PWWP3A: variants seen among roughly 807,000 people sequenced by gnomAD.
The protein encoded by PWWP3A is PWWP domain containing 3A, DNA repair factor, also known as PWWP domain-containing DNA repair factor 3A.
PWWP3A carries 53 observed loss-of-function variants against 79.0 expected under a neutral mutation model. That is an observed-to-expected ratio of 0.67 (90% CI 0.54 to 0.84). The LOEUF (loss-of-function observed/expected upper bound fraction) is 0.84, where lower values mean the gene tolerates loss of function less well. Among genes scored for constraint, PWWP3A ranks in the 40% least tolerant of loss-of-function variants. The probability of loss-of-function intolerance (pLI) is 0.00; values close to 1 mark genes in which losing one functional copy is unlikely to be tolerated. For synonymous variants in PWWP3A, 443 were observed against 394.4 expected, an observed-to-expected ratio of 1.12 and a Z score of -1.46; for missense variants, 973 against 948.0, an observed-to-expected ratio of 1.03 and a Z score of -0.35.
rs1242216863 is a variant in PWWP3A, at chr19:1,378,379, T to C, written c.*1803T>C. On this transcript the variant is annotated 3_prime_UTR_variant, in exon 14 of 14. Coordinates refer to ENST00000591337, the MANE Select transcript of PWWP3A (RefSeq NM_001369789.1). ...TGAAGTACTTTTATCCATTTGCTTCTCTGCTGACCTTGCCAAGTTGTTCGA... is the reference window on the plus strand; with the variant it reads ...TGAAGTACTTTTATCCATTTGCTTCCCTGCTGACCTTGCCAAGTTGTTCGA... 6.6e-6 allele frequency: 1 copy of C among 152,326 alleles called. No homozygotes were observed. Among genetic ancestry groups the C allele is most frequent in the Non-Finnish European group, 1.5e-5 (1 of 68,094 alleles). The allele number at this position is 152,326 out of a possible 1,614,324, so 9.4% of individuals were successfully genotyped here. A position where few individuals can be genotyped will look rare whatever the true frequency, so the allele number is the denominator to read the frequency against.
Position 1,358,224 on chromosome 19 carries a change from C to T in PWWP3A, c.144-170C>T, listed in dbSNP as rs538618509. 1.1e-5 allele frequency: 6 copies of T among 527,998 alleles called. No homozygotes were observed. The South Asian group carries it at 1.3e-4, about 12-fold the overall frequency. The allele number at this position is 527,998 out of a possible 1,614,324, so 32.7% of individuals were successfully genotyped here. On this transcript the variant is annotated intron_variant, in intron 3 of 13. Coordinates refer to ENST00000591337, the MANE Select transcript of PWWP3A (RefSeq NM_001369789.1). ...AAAAAACCATTCACCAGGGTTCTTG[C>T]TGCCTGTAACCTCAGGCAGATGAAT... is the stretch of plus-strand genomic sequence containing the variant.
intron 6 of PWWP3A, chr19:1,364,162 C>T (rs763098653): frequency 2.4e-5 from 13 of 540,266 alleles, no homozygotes; most frequent in East Asian, 5.0e-5. Flanking sequence ...AGTGTCTTCC[C>T]GCGGGGTTTA....
intron 12 of PWWP3A, chr19:1,372,790 T>A: frequency 2.9e-6 from 1 of 341,102 alleles, no homozygotes. Flanking sequence ...AAACTTAAAA[T>A]TTTTGAGAAA....
chr19:1,368,992 CCTGCGTT>C lies in PWWP3A; in HGVS notation c.1423-271_1423-265del. On this transcript the variant is annotated intron_variant, in intron 9 of 13. Coordinates refer to ENST00000591337, the MANE Select transcript of PWWP3A (RefSeq NM_001369789.1). The surrounding 1 kb of genome is among the most constrained non-coding windows in gnomAD (Gnocchi z 4.7). ...CAAGCCATCGGGTCCCCGGTGCCCA[CCTGCGTT>C]CAGATCAGCCCAAGCCATCGGGTCC... The C allele has an allele frequency of 1.0e-5, 4 of 388,226 alleles. No individual in the cohort carries two copies. Among genetic ancestry groups the C allele is most frequent in the East Asian group, 6.4e-5 (1 of 15,518 alleles). 24.0% of individuals were successfully genotyped at this position (388,226 alleles called of 1,614,324 possible).
rs1164320019 is a variant in PWWP3A at position 1,369,935 on chromosome 19, T to C, written c.1549+289T>C. Among the ~76,000 whole-genome samples, 1 of 152,120 alleles carries C rather than the reference T, an allele frequency of 6.6e-6. No homozygotes were observed. The highest frequency in any genetic ancestry group is 1.5e-5 in the Non-Finnish European group (1 of 68,008). ...GCTGGTGGCTGCACACATCAGATGT[T>C]GTGAAGAATGTAGGCCAGGTGCGGA... On this transcript the variant is annotated intron_variant, in intron 11 of 13. Coordinates refer to ENST00000591337, the MANE Select transcript of PWWP3A (RefSeq NM_001369789.1). This position sits in a 1 kb window ranked among gnomAD's most constrained non-coding sequence, Gnocchi z 4.0.
At chr19:1,365,496 G>C (rs1490348186) in intron 7 of PWWP3A, among the ~76,000 whole-genome samples, 3 of 152,288 alleles carry the variant, frequency 2.0e-5, no homozygotes, top group African/African-American at 7.2e-5. Flanking sequence ...GAGTCACCCA[G>C]GCTCCTTGCA....
At chr19:1,367,784 A>G (rs1405977895) in intron 9 of PWWP3A, among the ~76,000 whole-genome samples, 3 of 152,182 alleles carry the variant, frequency 2.0e-5, no homozygotes, top group Non-Finnish European at 2.9e-5. Context: ...TAACTCAGAA[A>G]TGTCTATTTC....
Position 1,357,026 on chromosome 19 carries a change from G to A in PWWP3A, c.75G>A (p.Ala25=), listed in dbSNP as rs61739607. 3.0e-4 allele frequency: 484 copies of A among 1,612,836 alleles called. 1 individual carries two copies. The African/African-American group carries it at 4.9e-3, about 16-fold the overall frequency. Reference sequence around the variant, plus strand: ...AAATGTAGGTTTTGGCCCGAACCGCGACTTCAACAAAAAATAAGAGAAGAA... The same window carrying A: ...AAATGTAGGTTTTGGCCCGAACCGCAACTTCAACAAAAAATAAGAGAAGAA... ...LWPAKVLART[A]TSTKNKRRKE... The change falls in exon 3 of 14, where the codon GCG becomes GCA. Residue 25 remains alanine, a synonymous_variant. Transcript: ENST00000591337.
rs147181475 is a variant in PWWP3A at position 1,377,144 on chromosome 19, C to T, written c.*568C>T. 7.2e-3 allele frequency: 1,102 copies of T among 152,666 alleles called. 5 individuals are homozygous for T. Among genetic ancestry groups the T allele is most frequent in the Non-Finnish European group, 0.012 (814 of 68,436 alleles). The allele number at this position is 152,666 out of a possible 1,614,324, so 9.5% of individuals were successfully genotyped here. On this transcript the variant is annotated 3_prime_UTR_variant, in exon 14 of 14. Transcript: ENST00000591337. The stretch of plus-strand genomic sequence containing the variant: ...GCAGAGACGAGCCGCTGCTCTGTGT[C>T]GTGTTTGCTGTGGCCGCAGGGAGAG...
At position 1,370,730 on chromosome 19, in the gene PWWP3A, G is replaced by C; in HGVS notation, c.1638G>C (p.Val546=). ...AGGGGAGCCCCGAGGAGCCCGTGGT[G>C]GGGTGCCCCCTGGGGCAGAGGCAGC... The part of the protein sequence containing the change: ...LSKGSPEEPV[V]GCPLGQRQPC... The change falls in exon 12 of 14, where the codon GTG becomes GTC. Residue 546 remains valine (V), a synonymous_variant. Coordinates refer to ENST00000591337, the MANE Select transcript of PWWP3A (RefSeq NM_001369789.1). The C allele has an allele frequency of 6.8e-7, 1 of 1,476,912 alleles. No homozygotes were observed. 91.5% of individuals were successfully genotyped at this position (1,476,912 alleles called of 1,614,324 possible).
At position 1,362,155 on chromosome 19, in the gene PWWP3A, A is replaced by G. The variant is rs2082031060; in HGVS notation, c.1112-95A>G. 5.1e-6 allele frequency: 5 copies of G among 976,502 alleles called. No homozygotes were observed. The Admixed American group carries it at 1.3e-4, about 25-fold the overall frequency. The allele number at this position is 976,502 out of a possible 1,614,324, so 60.5% of individuals were successfully genotyped here. On this transcript the variant is annotated intron_variant, in intron 5 of 13. Transcript: ENST00000591337. The stretch of plus-strand genomic sequence containing the variant: ...GTGTATAGCATGGAACCTTTTCTTT[A>G]TGCATCGATGGTCATGTGTCATGAA...
chr19:1,363,720 C>G (rs1364613268), intron 6 of PWWP3A, among the ~76,000 whole-genome samples: 2 of 152,216 alleles, frequency 1.3e-5, no homozygotes, highest in Non-Finnish European at 2.9e-5. Flanking sequence ...CTGGAAGTTT[C>G]TCTTAAAGAC....
chr19:1,357,698 G>A (rs1463024411), intron 3 of PWWP3A: 1 of 151,056 alleles, frequency 6.6e-6, no homozygotes, highest in Non-Finnish European at 1.5e-5. Context: ...TGATTGTGGC[G>A]AGGGCGCGTC....
At position 1,376,861 on chromosome 19, in the gene PWWP3A, C is replaced by A. The variant is rs1453328915; in HGVS notation, c.*285C>A. The A allele has an allele frequency of 3.2e-6, 1 of 312,608 alleles. No individual in the cohort carries two copies. The highest frequency in any genetic ancestry group is 5.9e-6 in the Non-Finnish European group (1 of 169,616). The allele number at this position is 312,608 out of a possible 1,614,324, so 19.4% of individuals were successfully genotyped here. A position where few individuals can be genotyped will look rare whatever the true frequency, so the allele number is the denominator to read the frequency against. On this transcript the variant is annotated 3_prime_UTR_variant, in exon 14 of 14. Coordinates refer to ENST00000591337, the MANE Select transcript of PWWP3A (RefSeq NM_001369789.1). ...AAAGGACGGAAGCGTATTCACTGTG[C>A]GCCAGTACTCCTGGCTGTGCTGTGG... is the stretch of plus-strand genomic sequence containing the variant.
At position 1,366,377 on chromosome 19, in the gene PWWP3A, A is replaced by G; in HGVS notation, c.1357A>G (p.Lys453Glu). 2 of 1,614,114 alleles carry G rather than the reference A, an allele frequency of 1.2e-6. No homozygotes were observed. Among genetic ancestry groups the G allele is most frequent in the Non-Finnish European group, 1.7e-6 (2 of 1,179,912 alleles). Residue 453 changes from lysine to glutamate, a missense_variant, in exon 8 of 14, where the codon AAA becomes GAA. Lys to Glu is a moderately conservative substitution (Grantham distance 56, BLOSUM62 1). Coordinates refer to ENST00000591337, the MANE Select transcript of PWWP3A (RefSeq NM_001369789.1). Reference sequence around the variant, plus strand: ...CGAAGGACACATGAACCCGAAAATGAAAGGGTAACCCGCTGTTCTTGGTTT... The same window carrying G: ...CGAAGGACACATGAACCCGAAAATGGAAGGGTAACCCGCTGTTCTTGGTTT... ...YIEGHMNPKM[K>E]GFTVSLKSLK...
intron 13 of PWWP3A, chr19:1,373,589 G>A (rs1218499244): frequency 1.1e-5 from 2 of 174,362 alleles, no homozygotes; most frequent in South Asian, 1.3e-4. Flanking sequence ...TCTCACATCC[G>A]TGTGCTTAGC....
chr19:1,376,439 C>G (rs868351340), intron 13 of PWWP3A, 80 bp from the exon 14 acceptor site: 1 of 1,453,050 alleles, frequency 6.9e-7, no homozygotes, highest in Non-Finnish European at 9.6e-7. Context: ...CAGGCGTGAG[C>G]GACCACACCC....
In PWWP3A at chr19:1,356,111, T is replaced by G. The variant is rs551414820; in HGVS notation, c.-69-213T>G. ...TTGGGAGGGACTGTGCTGTATTTTA[T>G]TTATGAAAAAATGCAGGCGCCTCCC... On this transcript the variant is annotated intron_variant, in intron 1 of 13. Coordinates refer to ENST00000591337, the MANE Select transcript of PWWP3A (RefSeq NM_001369789.1). Among the ~76,000 whole-genome samples the G allele has an allele frequency of 8.5e-5, 13 of 152,300 alleles. No individual in the cohort carries two copies. In the South Asian group the frequency reaches 2.7e-3, roughly 32 times the overall value.
At chr19:1,371,520 G>T (rs1229891052) in intron 12 of PWWP3A, 2 of 636,494 alleles carry the variant, frequency 3.1e-6, no homozygotes, top group African/African-American at 3.6e-5. Flanking sequence ...TAAACCCGTG[G>T]TAAGTTAAAC....
Sources: allele counts gnomAD v4.1 joint callset (sites outside exome capture counted in the v4.1 genomes callset), GRCh38; gene constraint gnomAD v4.1.1; non-coding constraint Gnocchi (gnomAD v3.1); transcripts MANE v1.5; gene names NCBI Gene and HGNC (gene_info 2026-07-23, HGNC 2026-07-21).